GNB4: variants seen among roughly 807,000 people sequenced by gnomAD.
GNB4 encodes the protein guanine nucleotide-binding protein subunit beta-4.
In GNB4, 28 loss-of-function variants were observed where a neutral mutation model predicts 45.2. The observed-to-expected ratio is 0.62, with a 90% confidence interval of 0.46 to 0.85. The LOEUF is 0.85. GNB4 is among the 40% of genes least tolerant of loss of function. The pLI, the probability that GNB4 is intolerant of heterozygous loss-of-function variation, is 0.00. For synonymous variants in GNB4, 132 were observed against 143.7 expected (o/e 0.92, Z 0.58); for missense variants, 321 against 425.4 (o/e 0.75, Z 2.16).
chr3:179,477,631 G>A, the GNB4 span, among the ~76,000 whole-genome samples: 1 of 152,072 alleles, frequency 6.6e-6, no homozygotes, highest in Admixed American at 6.5e-5. Context: ...CAGCATTTTG[G>A]GAGGCCAAGA....
chr3:179,466,540 A>G, the GNB4 span, among the ~76,000 whole-genome samples: 1 of 152,174 alleles, frequency 6.6e-6, no homozygotes, highest in African/African-American at 2.4e-5. Flanking sequence ...TGGAGTTGAA[A>G]GAAATTTAGA....
the GNB4 span, among the ~76,000 whole-genome samples, chr3:179,474,901 G>A: frequency 6.6e-6 from 1 of 151,828 alleles, no homozygotes; most frequent in African/African-American, 2.4e-5. Flanking sequence ...ACAGGCATGA[G>A]CCACTGTACT....
the GNB4 span, chr3:179,465,032 A>G: frequency 7.6e-5 from 114 of 1,508,444 alleles, 3 homozygotes; most frequent in Middle Eastern, 1.3e-3. Context: ...CACTGTTACA[A>G]TATCTTATCG....
chr3:179,424,990 C>T (rs565122631), intron 2 of GNB4, among the ~76,000 whole-genome samples: 2 of 152,200 alleles, frequency 1.3e-5, no homozygotes, highest in Non-Finnish European at 2.9e-5. Context: ...CAGCTGTGTT[C>T]CAAGTTATGA....
Position 179,396,127 on chromosome 3 carries a change from C to T in GNB4, c.*5086G>A, listed in dbSNP as rs1403799967. ...CTTTATTGATTACAGTATCAATTCA[C>T]AACATTTCATAAAGCCACTGTACAA... On this transcript the variant is annotated 3_prime_UTR_variant, in exon 10 of 10. Transcript: ENST00000232564. The T allele has an allele frequency of 6.6e-6, 1 of 151,622 alleles. No individual in the cohort carries two copies. The highest frequency in any genetic ancestry group is 1.5e-5 in the Non-Finnish European group (1 of 67,964). 9.4% of individuals were successfully genotyped at this position (151,622 alleles called of 1,614,324 possible). A position where few individuals can be genotyped will look rare whatever the true frequency, so the allele number is the denominator to read the frequency against.
the GNB4 span, among the ~76,000 whole-genome samples, chr3:179,502,582 T>G: frequency 2.0e-5 from 3 of 152,142 alleles, no homozygotes; most frequent in South Asian, 6.2e-4. Flanking sequence ...CAACATCATC[T>G]TCATCATCAT....
At chr3:179,521,237 C>G in the GNB4 span, among the ~76,000 whole-genome samples, 1 of 152,152 alleles carries the variant, frequency 6.6e-6, no homozygotes, top group Non-Finnish European at 1.5e-5. Flanking sequence ...GATAACGGAC[C>G]AGCCTTTATT....
chr3:179,524,881 G>A, the GNB4 span, among the ~76,000 whole-genome samples: 122 of 152,258 alleles, frequency 8.0e-4, 1 homozygote, highest in South Asian at 1.7e-3. Flanking sequence ...GGCTAGTTTC[G>A]GAATGAAACT....
chr3:179,463,247 G>A, the GNB4 span, among the ~76,000 whole-genome samples: 1 of 152,072 alleles, frequency 6.6e-6, no homozygotes, highest in Non-Finnish European at 1.5e-5. Flanking sequence ...CCCCTACTAC[G>A]TCTTTTAGAA....
the GNB4 span, among the ~76,000 whole-genome samples, chr3:179,476,899 C>T: frequency 6.6e-6 from 1 of 152,052 alleles, no homozygotes; most frequent in East Asian, 1.9e-4. Flanking sequence ...AATTATAAAT[C>T]TCATCTTTAA....
the GNB4 span, among the ~76,000 whole-genome samples, chr3:179,489,821 T>C: frequency 5.9e-5 from 9 of 152,216 alleles, no homozygotes; most frequent in African/African-American, 2.2e-4. Flanking sequence ...TTAATCTATT[T>C]TCTATTTCTA....
the GNB4 span, among the ~76,000 whole-genome samples, chr3:179,513,089 C>T: frequency 6.7e-6 from 1 of 150,100 alleles, no homozygotes; most frequent in Non-Finnish European, 1.5e-5. Flanking sequence ...GTTGCAGGCT[C>T]AATATGGGGA....
chr3:179,438,534 A>G (rs1715518752), intron 1 of GNB4, among the ~76,000 whole-genome samples: 1 of 152,374 alleles, frequency 6.6e-6, no homozygotes, highest in Non-Finnish European at 1.5e-5. Context: ...ACTCAGGCTA[A>G]TATCTACAGT....
rs11539416 is a variant in GNB4 at position 179,397,861 on chromosome 3, G to A, written c.*3352C>T. ...AAGTAATTCTCTGCCTCAGCCTCAC[G>A]AGTAGCTGACAGGCGCCCACCTCCA... is the stretch of plus-strand genomic sequence containing the variant. On this transcript the variant is annotated 3_prime_UTR_variant, in exon 10 of 10. Transcript: ENST00000232564. 0.18 allele frequency: 27,971 copies of A among 152,502 alleles called. 3,111 individuals carry two copies. The highest frequency in any genetic ancestry group is 0.36 in the East Asian group (1,844 of 5,156). The allele number at this position is 152,502 out of a possible 1,614,324, so 9.4% of individuals were successfully genotyped here. A position where few individuals can be genotyped will look rare whatever the true frequency, so the allele number is the denominator to read the frequency against.
chr3:179,518,935 A>C, the GNB4 span, among the ~76,000 whole-genome samples: 1,488 of 152,324 alleles, frequency 9.8e-3, 28 homozygotes, highest in African/African-American at 0.034. Flanking sequence ...CAAACCCTGC[A>C]ACAGGACTTA....
Position 179,397,076 on chromosome 3 carries a change from A to G in GNB4, c.*4137T>C, listed in dbSNP as rs2108570398. The G allele has an allele frequency of 6.6e-6, 1 of 152,348 alleles. No individual in the cohort carries two copies. Among genetic ancestry groups the G allele is most frequent in the South Asian group, 2.1e-4 (1 of 4,826 alleles). 9.4% of individuals were successfully genotyped at this position (152,348 alleles called of 1,614,324 possible). On this transcript the variant is annotated 3_prime_UTR_variant, in exon 10 of 10. Coordinates refer to ENST00000232564, the MANE Select transcript of GNB4 (RefSeq NM_021629.4). ...TTTGAACATAATATTTAATTTTTAAAAAAATTCAGCCTGACTCCGACCCTG... is the reference window on the plus strand; with the variant it reads ...TTTGAACATAATATTTAATTTTTAAGAAAATTCAGCCTGACTCCGACCCTG...
chr3:179,511,921 C>T, the GNB4 span, among the ~76,000 whole-genome samples: 1 of 152,124 alleles, frequency 6.6e-6, no homozygotes. Flanking sequence ...ACTGGCCCCA[C>T]GCGGCTGAGT....
At chr3:179,514,752 CAA>C in the GNB4 span, among the ~76,000 whole-genome samples, 1 of 152,162 alleles carries the variant, frequency 6.6e-6, no homozygotes, top group Non-Finnish European at 1.5e-5. Context: ...CACCAGAAAC[CAA>C]CCCTGCCAGC....
At chr3:179,508,989 T>C in the GNB4 span, among the ~76,000 whole-genome samples, 1 of 142,668 alleles carries the variant, frequency 7.0e-6, no homozygotes, top group African/African-American at 2.7e-5. Flanking sequence ...ATTGGAAATA[T>C]CAGTATGAGC....
Sources: gnomAD v4.1 joint callset for allele counts (sites outside exome capture counted in the v4.1 genomes callset) on GRCh38, gnomAD v4.1.1 for gene constraint, MANE v1.5 for transcripts, NCBI Gene and HGNC (gene_info 2026-07-23, HGNC 2026-07-21) for gene names.